CNBD1: variants seen among roughly 807,000 people sequenced by gnomAD.
The protein encoded by CNBD1 is cyclic nucleotide-binding domain-containing protein 1.
In CNBD1, 71 loss-of-function variants were observed where a neutral mutation model predicts 54.4. That is an observed-to-expected ratio of 1.30 (90% CI 1.08 to 1.59). The LOEUF (loss-of-function observed/expected upper bound fraction) is 1.59. CNBD1 is among the 40% of genes most tolerant of loss of function. CNBD1 has a pLI of 0.00. For missense variants in CNBD1, 659 were observed against 518.0 expected (o/e 1.27, Z -2.64); for synonymous variants, 182 against 170.7 (o/e 1.07, Z -0.51).
intron 6 of CNBD1, among the ~76,000 whole-genome samples, chr8:87,252,362 T>C (rs1227088555): frequency 6.6e-6 from 1 of 152,216 alleles, no homozygotes; most frequent in South Asian, 2.1e-4. Context: ...TTTAATATTA[T>C]TCAAAATCAA....
At chr8:86,940,122 C>T (rs1185298235) in intron 4 of CNBD1, among the ~76,000 whole-genome samples, 1 of 116,194 alleles carries the variant, frequency 8.6e-6, no homozygotes, top group Admixed American at 9.6e-5. Flanking sequence ...AATAAACTTA[C>T]CACATGTTAC....
intron 5 of CNBD1, among the ~76,000 whole-genome samples, chr8:87,210,125 G>A (rs886511199): frequency 1.3e-5 from 2 of 152,192 alleles, no homozygotes; most frequent in Admixed American, 1.3e-4. Context: ...GAATTTATGA[G>A]TGACGACTTA....
At chr8:87,296,926 A>G (rs1808886714) in intron 8 of CNBD1, among the ~76,000 whole-genome samples, 1 of 152,086 alleles carries the variant, frequency 6.6e-6, no homozygotes, top group Admixed American at 6.5e-5. Flanking sequence ...CTGTAATCCT[A>G]GCACTTTGGG....
chr8:87,062,025 T>G (rs1278067691), intron 4 of CNBD1, among the ~76,000 whole-genome samples: 1 of 152,170 alleles, frequency 6.6e-6, no homozygotes, highest in Non-Finnish European at 1.5e-5. Flanking sequence ...CTCTCATTAG[T>G]GACATTAAGC....
chr8:87,422,748 A>T (rs200510469), intron 2 of CNBD1, among the ~76,000 whole-genome samples: 1 of 152,136 alleles, frequency 6.6e-6, no homozygotes, highest in East Asian at 1.9e-4. Flanking sequence ...GATTGACTTG[A>T]CGATGCGGGC....
At chr8:87,286,814 C>A in intron 8 of CNBD1, 143 bp downstream of exon 8, 3 of 664,532 alleles carry the variant, frequency 4.5e-6, no homozygotes, top group South Asian at 1.9e-5. Flanking sequence ...TTGAATTGGA[C>A]ATTTAGATTA....
intron 4 of CNBD1, among the ~76,000 whole-genome samples, chr8:87,092,887 A>G (rs577352794): frequency 1.3e-5 from 2 of 151,754 alleles, no homozygotes; most frequent in Admixed American, 6.6e-5. Context: ...TAGCTCATGA[A>G]CTCTCCAAAA....
chr8:87,404,606 C>T (rs1010601306), intron 2 of CNBD1, among the ~76,000 whole-genome samples: 2 of 152,032 alleles, frequency 1.3e-5, no homozygotes, highest in African/African-American at 2.4e-5. Context: ...AGAAGTGGTT[C>T]TTTTTGTTCG....
chr8:87,223,476 G>C lies in CNBD1; in HGVS notation c.578-13443G>C, dbSNP rs182600872. On this transcript the variant is annotated intron_variant, in intron 5 of 10. Coordinates refer to ENST00000518476, the MANE Select transcript of CNBD1 (RefSeq NM_173538.3). Reference sequence around the variant, plus strand: ...CTCATTGTTCAATTCCCACCTATGAGTGAGAATATGCAGTGTTTGGTTTTT... The same window carrying C: ...CTCATTGTTCAATTCCCACCTATGACTGAGAATATGCAGTGTTTGGTTTTT... Among the ~76,000 whole-genome samples, 700 of 148,626 alleles carry C rather than the reference G, an allele frequency of 4.7e-3. 3 individuals are homozygous for C. Among genetic ancestry groups the C allele is most frequent in the African/African-American group, 0.016 (637 of 40,260 alleles).
intron 2 of CNBD1, among the ~76,000 whole-genome samples, chr8:87,414,102 G>A (rs536013809): frequency 1.3e-5 from 2 of 152,168 alleles, no homozygotes; most frequent in East Asian, 3.9e-4. Context: ...ATTCACAATA[G>A]CAAAGACTTG....
intron 4 of CNBD1, among the ~76,000 whole-genome samples, chr8:87,017,174 A>C (rs1809373662): frequency 6.6e-6 from 1 of 152,240 alleles, no homozygotes; most frequent in African/African-American, 2.4e-5. Context: ...CCAGAGCACA[A>C]AAACATACAG....
intron 4 of CNBD1, among the ~76,000 whole-genome samples, chr8:87,090,815 C>G (rs1312057556): frequency 6.6e-6 from 1 of 151,968 alleles, no homozygotes; most frequent in African/African-American, 2.4e-5. Flanking sequence ...TAGCTTATGA[C>G]ACATTAAACT....
At chr8:87,327,709 T>C (rs987392796) in intron 8 of CNBD1, among the ~76,000 whole-genome samples, 1 of 152,104 alleles carries the variant, frequency 6.6e-6, no homozygotes, top group Non-Finnish European at 1.5e-5. Flanking sequence ...GTCTGGCACT[T>C]CCTAGTGAGA....
At chr8:86,960,177 G>A (rs2130467678) in intron 4 of CNBD1, among the ~76,000 whole-genome samples, 1 of 152,256 alleles carries the variant, frequency 6.6e-6, no homozygotes, top group African/African-American at 2.4e-5. Context: ...AGCCAAAGCA[G>A]GGTGGGGCAT....
At chr8:87,395,699 G>T (rs942180757) in intron 2 of CNBD1, among the ~76,000 whole-genome samples, 1 of 151,794 alleles carries the variant, frequency 6.6e-6, no homozygotes, top group African/African-American at 2.4e-5. Flanking sequence ...GTTCATAGAG[G>T]TTAATGCAAC....
At chr8:86,964,820 G>C (rs2130477904) in intron 4 of CNBD1, among the ~76,000 whole-genome samples, 1 of 152,296 alleles carries the variant, frequency 6.6e-6, no homozygotes, top group Middle Eastern at 3.4e-3. Flanking sequence ...AGCCTCTCCT[G>C]AGATGGTCAC....
chr8:87,382,478 T>C, intron 10 of CNBD1, 142 bp from the exon 11 acceptor site: 1 of 575,352 alleles, frequency 1.7e-6, no homozygotes. Flanking sequence ...TAGAATAAGC[T>C]CTGACAATAT....
intron 6 of CNBD1, 81 bp downstream of exon 6, chr8:87,237,193 A>G (rs1229136551): frequency 1.3e-6 from 1 of 758,452 alleles, no homozygotes. Flanking sequence ...AGACATTAAG[A>G]TCCAATATCT....
intron 4 of CNBD1, among the ~76,000 whole-genome samples, chr8:87,172,108 T>C (rs4448286): frequency 0.23 from 35,369 of 151,920 alleles, 4,160 homozygotes; most frequent in South Asian, 0.26. Flanking sequence ...GAGCATATTG[T>C]TTAATTTCCA....
Sources: allele counts gnomAD v4.1 joint callset (sites outside exome capture counted in the v4.1 genomes callset), GRCh38; gene constraint gnomAD v4.1.1; transcripts MANE v1.5; gene names NCBI Gene and HGNC (gene_info 2026-07-23, HGNC 2026-07-21).